PIERCE2: variants seen among roughly 807,000 people sequenced by gnomAD.
The protein encoded by PIERCE2 is piercer of microtubule wall 2.
At chr15:55,413,274 A>T in the PIERCE2 span, among the ~76,000 whole-genome samples, 3 of 151,700 alleles carry the variant, frequency 2.0e-5, no homozygotes, top group African/African-American at 7.3e-5. Flanking sequence ...TCTCAAAAAA[A>T]AAAAAAAATT....
chr15:55,416,192 T>A, the PIERCE2 span, among the ~76,000 whole-genome samples: 1 of 152,066 alleles, frequency 6.6e-6, no homozygotes, highest in Non-Finnish European at 1.5e-5. Flanking sequence ...CTCTGCCTCA[T>A]GGGTCCAAGG....
the PIERCE2 span, among the ~76,000 whole-genome samples, chr15:55,416,080 G>GT: frequency 4.6e-5 from 7 of 151,054 alleles, no homozygotes; most frequent in Non-Finnish European, 8.8e-5. Flanking sequence ...CAGTTTGTTG[G>GT]TTTTTTTAAA....
At chr15:55,418,555 T>G in the PIERCE2 span, 1 of 1,463,898 alleles carries the variant, frequency 6.8e-7, no homozygotes, top group Non-Finnish European at 9.2e-7. Flanking sequence ...TTCCTAATAT[T>G]CAACACACTC....
the PIERCE2 span, among the ~76,000 whole-genome samples, chr15:55,411,912 ACTC>A: frequency 6.8e-6 from 1 of 146,178 alleles, no homozygotes; most frequent in African/African-American, 2.5e-5. Flanking sequence ...CAAGAGCAAA[ACTC>A]CTTCTCACAA....
the PIERCE2 span, among the ~76,000 whole-genome samples, chr15:55,413,191 C>A: frequency 6.6e-6 from 1 of 151,684 alleles, no homozygotes; most frequent in African/African-American, 2.4e-5. Flanking sequence ...TGGCGTAAAC[C>A]CAGGAGGTGG....
At chr15:55,409,366 C>CAAGATCATGCCAT in the PIERCE2 span, among the ~76,000 whole-genome samples, 1 of 151,702 alleles carries the variant, frequency 6.6e-6, no homozygotes, top group East Asian at 1.9e-4. Flanking sequence ...GATTGCGCCA[C>CAAGATCATGCCAT]TGAACTGCAG....
the PIERCE2 span, among the ~76,000 whole-genome samples, chr15:55,411,407 T>G: frequency 6.6e-6 from 1 of 152,130 alleles, no homozygotes; most frequent in African/African-American, 2.4e-5. Context: ...GAGGTTACAA[T>G]GAGCTGCGAC....
At chr15:55,415,249 C>T in the PIERCE2 span, among the ~76,000 whole-genome samples, 1 of 152,024 alleles carries the variant, frequency 6.6e-6, no homozygotes, top group Non-Finnish European at 1.5e-5. Flanking sequence ...AGGTGGATCA[C>T]CTAAGGTCAG....
the PIERCE2 span, among the ~76,000 whole-genome samples, chr15:55,414,471 A>G: frequency 6.6e-6 from 1 of 152,170 alleles, no homozygotes; most frequent in African/African-American, 2.4e-5. Flanking sequence ...TCGGCCTAGA[A>G]ATGTTCTTAT....
chr15:55,409,214 T>A, the PIERCE2 span, among the ~76,000 whole-genome samples: 1 of 152,272 alleles, frequency 6.6e-6, no homozygotes. Flanking sequence ...GAGACCAGCC[T>A]GACCTACATG....
At chr15:55,409,129 G>A in the PIERCE2 span, among the ~76,000 whole-genome samples, 2 of 152,338 alleles carry the variant, frequency 1.3e-5, no homozygotes, top group Non-Finnish European at 2.9e-5. Context: ...TGGTGGCCGG[G>A]CGCCGGGGCT....
At chr15:55,413,960 G>T in the PIERCE2 span, among the ~76,000 whole-genome samples, 2 of 150,890 alleles carry the variant, frequency 1.3e-5, no homozygotes, top group African/African-American at 4.9e-5. Context: ...TGCAGTGGCA[G>T]GATCTCGGCT....
the PIERCE2 span, among the ~76,000 whole-genome samples, chr15:55,412,793 G>A: frequency 2.6e-5 from 4 of 151,650 alleles, no homozygotes; most frequent in Non-Finnish European, 5.9e-5. Flanking sequence ...AAAAGAAAAA[G>A]TTGATGAAGA....
the PIERCE2 span, among the ~76,000 whole-genome samples, chr15:55,415,944 G>A: frequency 6.6e-6 from 1 of 152,026 alleles, no homozygotes; most frequent in Non-Finnish European, 1.5e-5. Flanking sequence ...ATCTAAATCA[G>A]TACACATTTC....
chr15:55,413,267 C>CAA, the PIERCE2 span, among the ~76,000 whole-genome samples: 1,587 of 123,340 alleles, frequency 0.013, 12 homozygotes, highest in South Asian at 0.018. Flanking sequence ...GACTCCGTCT[C>CAA]AAAAAAAAAA....
chr15:55,412,501 C>G, the PIERCE2 span, among the ~76,000 whole-genome samples: 1 of 152,192 alleles, frequency 6.6e-6, no homozygotes, highest in South Asian at 2.1e-4. Flanking sequence ...ATCTAAGTGA[C>G]TTGTCCAAGT....
chr15:55,417,477 T>C, the PIERCE2 span, among the ~76,000 whole-genome samples: 2 of 152,166 alleles, frequency 1.3e-5, no homozygotes, highest in South Asian at 4.1e-4. Flanking sequence ...GTTAGCTATG[T>C]AATTAGTTAT....
chr15:55,409,007 A>G, the PIERCE2 span, among the ~76,000 whole-genome samples: 5 of 152,112 alleles, frequency 3.3e-5, no homozygotes, highest in African/African-American at 7.2e-5. Context: ...TTCATACCCT[A>G]CTGTTGCAAA....
chr15:55,418,055 C>G, the PIERCE2 span: 3 of 1,393,214 alleles, frequency 2.2e-6, no homozygotes, highest in Non-Finnish European at 3.0e-6. Context: ...TGGATGTATA[C>G]GTGCAGGTCA....
Sources: gnomAD v4.1 joint callset for allele counts (sites outside exome capture counted in the v4.1 genomes callset) on GRCh38, gnomAD v4.1.1 for gene constraint, MANE v1.5 for transcripts, NCBI Gene and HGNC (gene_info 2026-07-23, HGNC 2026-07-21) for gene names.